The following SHC4 variants were observed in gnomAD, a reference collection of about 807,000 sequenced individuals.
SHC4 encodes the protein SHC-transforming protein 4.
A neutral mutation model predicts 69.4 loss-of-function variants in SHC4; 41 were observed. The observed-to-expected ratio is 0.59, with a 90% CI of 0.46 to 0.77. SHC4 has a LOEUF of 0.77. Among genes scored for constraint, SHC4 ranks in the 30% least tolerant of loss-of-function variants. SHC4 has a pLI of 0.00. For missense variants in SHC4, 777 were observed against 783.8 expected (o/e 0.99, Z 0.10); for synonymous variants, 318 against 299.3 (o/e 1.06, Z -0.64).
intron 8 of SHC4, among the ~76,000 whole-genome samples, chr15:48,852,292 T>C (rs1899228413): frequency 6.6e-6 from 1 of 152,092 alleles, no homozygotes; most frequent in African/African-American, 2.4e-5. Context: ...GTGTTTTTAT[T>C]GGAGGAGATG....
intron 6 of SHC4, among the ~76,000 whole-genome samples, chr15:48,864,407 T>C (rs1378668358): frequency 6.6e-6 from 1 of 151,560 alleles, no homozygotes; most frequent in Non-Finnish European, 1.5e-5. Context: ...CCAGGTGGCT[T>C]TTCTGCTTTC....
At chr15:48,859,504 T>G (rs1343688060) in intron 6 of SHC4, among the ~76,000 whole-genome samples, 1 of 152,216 alleles carries the variant, frequency 6.6e-6, no homozygotes, top group East Asian at 1.9e-4. Context: ...TTTATGTCTT[T>G]CCTACCAAAG....
intron 4 of SHC4, chr15:48,878,110 C>A: frequency 6.6e-7 from 1 of 1,504,082 alleles, no homozygotes; most frequent in Admixed American, 2.3e-5. Context: ...CGCACGCGCA[C>A]GAACGCACGG....
intron 3 of SHC4, among the ~76,000 whole-genome samples, chr15:48,885,329 TG>T (rs57213542): frequency 0.088 from 13,369 of 152,044 alleles, 1,169 homozygotes; most frequent in East Asian, 0.28. Context: ...ATATAAAATG[TG>T]GGGGGAAAAA....
At position 48,857,834 on chromosome 15, in the gene SHC4, A is replaced by G. The variant is rs753047448; in HGVS notation, c.947-19T>C. The G allele has an allele frequency of 1.3e-6, 2 of 1,486,882 alleles. No homozygotes were observed. Among genetic ancestry groups the G allele is most frequent in the South Asian group, 3.0e-5 (2 of 65,984 alleles). 92.1% of individuals were successfully genotyped at this position (1,486,882 alleles called of 1,614,324 possible). The stretch of plus-strand genomic sequence containing the variant: ...TGACAGGCTGCAAGAGGACATACAA[A>G]AAATAATATTATAATAAATTTTTAG... On this transcript the variant is annotated intron_variant, in intron 6 of 11. Transcript: ENST00000332408.
intron 6 of SHC4, among the ~76,000 whole-genome samples, chr15:48,859,810 C>G (rs7169897): frequency 0.18 from 27,314 of 152,082 alleles, 2,853 homozygotes; most frequent in East Asian, 0.29. Flanking sequence ...CTAGTCAGGC[C>G]TCATATCCGG....
intron 2 of SHC4, among the ~76,000 whole-genome samples, chr15:48,921,428 G>T (rs539498745): frequency 1.7e-4 from 26 of 150,776 alleles, no homozygotes; most frequent in South Asian, 4.3e-4. Flanking sequence ...TCCGCCTCCC[G>T]GGTTCAAGCA....
At chr15:48,950,817 C>T (rs550864641) in intron 1 of SHC4, among the ~76,000 whole-genome samples, 7 of 152,022 alleles carry the variant, frequency 4.6e-5, no homozygotes, top group Non-Finnish European at 8.8e-5. Context: ...GTGCTTGGGT[C>T]GCGATGGTTG....
intron 1 of SHC4, among the ~76,000 whole-genome samples, chr15:48,959,941 T>C (rs1353134802): frequency 6.6e-6 from 1 of 152,196 alleles, no homozygotes; most frequent in Non-Finnish European, 1.5e-5. Flanking sequence ...TGGGGTTTGG[T>C]TTCACCATTA....
In SHC4 at chr15:48,826,121, C is replaced by G. The variant is rs1898683651; in HGVS notation, c.1743G>C (p.Arg581Ser). 6.2e-7 allele frequency: 1 copy of G among 1,605,748 alleles called. No individual in the cohort carries two copies. ...LLLVDPEGKV[R>S]TKDHVFDNVG... ...CATTATCAAATACATGATCCTTGGTCCTCACCTTGAAAAAGAAGTACAAAT... is the reference window on the plus strand; with the variant it reads ...CATTATCAAATACATGATCCTTGGTGCTCACCTTGAAAAAGAAGTACAAAT... The change falls in exon 12 of 12, where the codon AGG becomes AGC. Residue 581 changes from arginine to serine, a missense_variant. Physicochemically the swap from Arg to Ser is moderately radical, Grantham distance 110. Transcript: ENST00000332408.
At chr15:48,901,862 C>A (rs962466092) in intron 2 of SHC4, among the ~76,000 whole-genome samples, 1 of 152,130 alleles carries the variant, frequency 6.6e-6, no homozygotes, top group Non-Finnish European at 1.5e-5. Context: ...TCAGTAAATG[C>A]TAGCCATTAT....
intron 8 of SHC4, among the ~76,000 whole-genome samples, chr15:48,855,473 G>C (rs934854297): frequency 6.6e-6 from 1 of 152,076 alleles, no homozygotes; most frequent in Non-Finnish European, 1.5e-5. Flanking sequence ...CAAGGAGGTG[G>C]AACATTATTA....
intron 10 of SHC4, among the ~76,000 whole-genome samples, chr15:48,839,697 G>A (rs1686485645): frequency 6.6e-6 from 1 of 152,176 alleles, no homozygotes; most frequent in Non-Finnish European, 1.5e-5. Flanking sequence ...CGCTAATTTG[G>A]GGTATGGAGG....
chr15:48,962,957 C>A lies in SHC4; in HGVS notation c.59G>T (p.Gly20Val). The change falls in exon 1 of 12, where the codon GGG becomes GTG. Residue 20 changes from glycine to valine, a missense_variant. Coordinates refer to ENST00000332408, the MANE Select transcript of SHC4 (RefSeq NM_203349.4). ...GGCCCTGTGCAGCATCCCGGGGTGC[C>A]CGAAGAGTCCTACATACAGCACGAG... ...AGLVLYVGLFGHPGMLHRAKY... is the reference protein window; with the variant it reads ...AGLVLYVGLFVHPGMLHRAKY... 6.2e-7 allele frequency: 1 copy of A among 1,613,042 alleles called. No homozygotes were observed. The highest frequency in any genetic ancestry group is 8.5e-7 in the Non-Finnish European group (1 of 1,179,970).
rs377406557 is a variant in SHC4, at chr15:48,878,213, G to C, written c.840+6035C>G. On this transcript the variant is annotated intron_variant, in intron 4 of 11. Coordinates refer to ENST00000332408, the MANE Select transcript of SHC4 (RefSeq NM_203349.4). ...GGCTGAGTTGTCCGAGCTGTATGAAGAGAGCAGTGACCTGCAGATGGATGT... is the reference window on the plus strand; with the variant it reads ...GGCTGAGTTGTCCGAGCTGTATGAACAGAGCAGTGACCTGCAGATGGATGT... The C allele has an allele frequency of 3.8e-6, 6 of 1,593,812 alleles. No homozygotes were observed. In the Admixed American group the frequency reaches 5.1e-5, roughly 14 times the overall value.
At chr15:48,890,603 G>A in intron 3 of SHC4, 145 bp downstream of exon 3, 1 of 863,836 alleles carries the variant, frequency 1.2e-6, no homozygotes, top group South Asian at 1.5e-5. Flanking sequence ...GACAAGAGCA[G>A]TTTTGAGTGC....
rs181345321 is a variant in SHC4, at chr15:48,849,489, C to G, written c.1303+1699G>C. Among the ~76,000 whole-genome samples, 14 of 152,292 alleles carry G rather than the reference C, an allele frequency of 9.2e-5. No individual in the cohort carries two copies. The East Asian group carries it at 2.3e-3, about 25-fold the overall frequency. On this transcript the variant is annotated intron_variant, in intron 9 of 11. Transcript: ENST00000332408. ...GGCTAAACTGCAAACTACAAGAGTG[C>G]CAGTTGTGCCTCTAGCTCTAGCACC...
At chr15:48,862,725 G>T (rs575335825) in intron 6 of SHC4, among the ~76,000 whole-genome samples, 2 of 152,288 alleles carry the variant, frequency 1.3e-5, no homozygotes, top group South Asian at 4.1e-4. Flanking sequence ...GGGCGAAATA[G>T]CATCTTCCCA....
chr15:48,920,251 G>A (rs1900726054), intron 2 of SHC4, among the ~76,000 whole-genome samples: 1 of 151,186 alleles, frequency 6.6e-6, no homozygotes. Flanking sequence ...TCGATCTCCT[G>A]ACCTCATGAT....
Sources: allele counts gnomAD v4.1 joint callset (sites outside exome capture counted in the v4.1 genomes callset), GRCh38; gene constraint gnomAD v4.1.1; transcripts MANE v1.5; gene names NCBI Gene and HGNC (gene_info 2026-07-23, HGNC 2026-07-21).